The following SMC5 variants were observed in gnomAD, a reference collection of about 807,000 sequenced individuals.
SMC5 encodes the protein structural maintenance of chromosomes protein 5.
SMC5 carries 88 observed loss-of-function variants against 148.3 expected under a neutral mutation model. That is an observed-to-expected ratio of 0.59 (90% confidence interval 0.50 to 0.71). The LOEUF (loss-of-function observed/expected upper bound fraction) is 0.71, where lower values mean the gene tolerates loss of function less well. Ranked by LOEUF, SMC5 falls within the 30% of genes least tolerant of loss-of-function variation. SMC5 has a pLI of 0.00. For synonymous variants in SMC5, 421 were observed against 432.8 expected (o/e 0.97, Z 0.34); for missense variants, 1,142 against 1,298.9 (o/e 0.88, Z 1.86).
At chr9:70,299,288 A>G (rs1235978521) in intron 9 of SMC5, among the ~76,000 whole-genome samples, 18 of 151,986 alleles carry the variant, frequency 1.2e-4, no homozygotes, top group Admixed American at 1.2e-3. Flanking sequence ...GTGCATTATA[A>G]TTAAATTTCA....
intron 17 of SMC5, among the ~76,000 whole-genome samples, chr9:70,340,517 A>T (rs2036491927): frequency 6.6e-6 from 1 of 152,058 alleles, no homozygotes. Context: ...CTGGTAACTA[A>T]AACAAATGGT....
intron 11 of SMC5, among the ~76,000 whole-genome samples, chr9:70,314,056 G>C (rs1587681628): frequency 6.6e-6 from 1 of 152,060 alleles, no homozygotes; most frequent in Non-Finnish European, 1.5e-5. Context: ...TAGTTCATGG[G>C]GCAGCCAAGG....
chr9:70,270,651 T>C (rs2118041958), intron 3 of SMC5, among the ~76,000 whole-genome samples: 1 of 146,986 alleles, frequency 6.8e-6, no homozygotes, highest in South Asian at 2.2e-4. Context: ...AATTTTTTTT[T>C]TTTTTTTTTT....
At chr9:70,317,540 G>A (rs772859373) in intron 13 of SMC5, among the ~76,000 whole-genome samples, 3 of 152,068 alleles carry the variant, frequency 2.0e-5, no homozygotes, top group Admixed American at 6.6e-5. Context: ...GACCTAGTGT[G>A]CTTAAATATG....
chr9:70,305,225 C>CT, intron 10 of SMC5, 22 bp from the exon 11 acceptor site: 2 of 1,167,228 alleles, frequency 1.7e-6, no homozygotes, highest in Non-Finnish European at 2.5e-6. Context: ...GAAATTCGAC[C>CT]TTTTTTTGCT....
intron 8 of SMC5, among the ~76,000 whole-genome samples, chr9:70,287,103 CACTT>C (rs756107238): frequency 9.2e-5 from 14 of 152,188 alleles, no homozygotes; most frequent in Non-Finnish European, 2.1e-4. Context: ...GAAATGAAGA[CACTT>C]ACATTGTAAA....
intron 17 of SMC5, among the ~76,000 whole-genome samples, chr9:70,327,820 G>T (rs1564062688): frequency 6.6e-6 from 1 of 152,120 alleles, no homozygotes; most frequent in Non-Finnish European, 1.5e-5. Context: ...TTCTCACACT[G>T]CTAAAAAGAA....
chr9:70,272,144 T>C (rs2118060061), intron 3 of SMC5, among the ~76,000 whole-genome samples: 1 of 152,100 alleles, frequency 6.6e-6, no homozygotes, highest in East Asian at 1.9e-4. Flanking sequence ...ATATACAGAG[T>C]ATGGGAGAAG....
chr9:70,279,047 C>T (rs188744199), intron 5 of SMC5, among the ~76,000 whole-genome samples: 2 of 152,180 alleles, frequency 1.3e-5, no homozygotes, highest in African/African-American at 4.8e-5. Context: ...TTTTCAGTCA[C>T]ATGAGGGTAG....
At chr9:70,342,278 T>C (rs1425187051) in intron 17 of SMC5, among the ~76,000 whole-genome samples, 3 of 147,694 alleles carry the variant, frequency 2.0e-5, no homozygotes, top group South Asian at 2.2e-4. Flanking sequence ...TTGGGAGATA[T>C]ACCTAATGCT....
intron 11 of SMC5, among the ~76,000 whole-genome samples, chr9:70,307,086 A>G (rs1490101678): frequency 6.6e-6 from 1 of 152,186 alleles, no homozygotes; most frequent in Non-Finnish European, 1.5e-5. Flanking sequence ...GAAATACATC[A>G]TTACAAAGTT....
In SMC5 at chr9:70,293,901, T is replaced by G. The variant is rs566180253; in HGVS notation, c.1054-4065T>G. ...AAAATGTTCCAGAATTTTGGTAAAT[T>G]AATTGTAATTAATAAAAGTTGACTT... On this transcript the variant is annotated intron_variant, in intron 8 of 24. Coordinates refer to ENST00000361138, the MANE Select transcript of SMC5 (RefSeq NM_015110.4). Among the ~76,000 whole-genome samples the G allele has an allele frequency of 4.2e-4, 64 of 152,318 alleles. 1 individual carries two copies. Among genetic ancestry groups the G allele is most frequent in the Admixed American group, 3.5e-3 (53 of 15,294 alleles).
At chr9:70,272,185 T>A (rs151230977) in intron 3 of SMC5, among the ~76,000 whole-genome samples, 6 of 152,298 alleles carry the variant, frequency 3.9e-5, no homozygotes, top group Non-Finnish European at 8.8e-5. Context: ...CTCCAAGATG[T>A]CTGGCATGAT....
At chr9:70,323,801 G>T (rs953610328) in intron 16 of SMC5, among the ~76,000 whole-genome samples, 195 bp downstream of exon 16, 1 of 152,092 alleles carries the variant, frequency 6.6e-6, no homozygotes, top group African/African-American at 2.4e-5. Flanking sequence ...TAGGATAAAA[G>T]CACTCATTAA....
At chr9:70,296,324 T>A (rs1270898215) in intron 8 of SMC5, among the ~76,000 whole-genome samples, 4 of 152,096 alleles carry the variant, frequency 2.6e-5, no homozygotes, top group Non-Finnish European at 5.9e-5. Flanking sequence ...CGTAAAAGTT[T>A]ACCGAGGCAG....
At position 70,352,181 on chromosome 9, in the gene SMC5, ATACT is replaced by A. The variant is rs758911596; in HGVS notation, c.3166-6_3166-3del. ...ATAGCTTATATGACAATTTGTTTTA[ATACT>A]TACAGCTCCTGCAAAATCTTCCTTA... On this transcript the variant is annotated splice_polypyrimidine_tract_variant and splice_region_variant and intron_variant, in intron 24 of 24. Transcript: ENST00000361138. 1.6e-5 allele frequency: 26 copies of A among 1,602,088 alleles called. No individual in the cohort carries two copies. Among genetic ancestry groups the A allele is most frequent in the Middle Eastern group, 1.7e-4 (1 of 5,990 alleles).
chr9:70,340,311 T>C (rs1477811940), intron 17 of SMC5, among the ~76,000 whole-genome samples: 3 of 151,856 alleles, frequency 2.0e-5, no homozygotes, highest in African/African-American at 7.3e-5. Context: ...TTAGATGAAA[T>C]TTTGAAGAAA....
intron 1 of SMC5, among the ~76,000 whole-genome samples, chr9:70,260,356 C>T (rs2034081976): frequency 6.6e-6 from 1 of 152,168 alleles, no homozygotes; most frequent in Non-Finnish European, 1.5e-5. Context: ...ATCTGCCCGC[C>T]TCGGCCTCCC....
At chr9:70,321,281 C>T (rs572568818) in intron 15 of SMC5, among the ~76,000 whole-genome samples, 3 of 152,232 alleles carry the variant, frequency 2.0e-5, no homozygotes, top group African/African-American at 4.8e-5. Context: ...GTTTATCTCA[C>T]TCATTTAGTT....
Sources: gnomAD v4.1 joint callset for allele counts (sites outside exome capture counted in the v4.1 genomes callset) on GRCh38, gnomAD v4.1.1 for gene constraint, MANE v1.5 for transcripts, NCBI Gene and HGNC (gene_info 2026-07-23, HGNC 2026-07-21) for gene names.